Variants in TTN observed in about 807,000 individuals in gnomAD.
The protein encoded by TTN is titin.
A neutral mutation model predicts 3,223.0 loss-of-function variants in TTN; 1,525 were observed. The ratio of observed to expected loss-of-function variants is 0.47; its 90% CI spans 0.45 to 0.49. TTN has a LOEUF of 0.49. Ranked by LOEUF, TTN falls within the 20% of genes least tolerant of loss-of-function variation. The pLI, the probability that TTN is intolerant of heterozygous loss-of-function variation, is 0.00. For missense variants in TTN, 40,786 were observed against 43,424.0 expected (o/e 0.94, Z 5.40); for synonymous variants, 14,094 against 15,161.0 (o/e 0.93, Z 5.17).
chr2:178,635,417 G>A (rs772614873), intron 227 of TTN, 23 bp downstream of exon 227: 2 of 1,601,914 alleles, frequency 1.2e-6, no homozygotes, highest in Non-Finnish European at 8.5e-7. Flanking sequence ...CTTATAATTT[G>A]AATAAAAGGT....
In TTN at chr2:178,706,456, T is replaced by G; in HGVS notation, c.29418A>C (p.Lys9806Asn). ...KIEGDLRAMLKKTPILKKGAG... is the reference protein window; with the variant it reads ...KIEGDLRAMLNKTPILKKGAG... ...TTTGTGGTTTTTATTGAACTCACTT[T>G]TTCAGCATTGCTCTAAGATCGCCTT... Residue 9806 changes from lysine (K) to asparagine (N), a missense_variant and splice_region_variant, in exon 102 of 363, where the codon AAA becomes AAC. Lys to Asn is a moderately conservative substitution (Grantham distance 94, BLOSUM62 0). Transcript: ENST00000589042. The G allele has an allele frequency of 1.2e-6, 2 of 1,609,488 alleles. No individual in the cohort carries two copies. The highest frequency in any genetic ancestry group is 1.7e-6 in the Non-Finnish European group (2 of 1,177,210).
chr2:178,786,025 G>T lies in TTN; in HGVS notation c.2193C>A (p.Thr731=). The change falls in exon 14 of 363, where the codon ACC becomes ACA. Residue 731 remains threonine, a synonymous_variant. Coordinates refer to ENST00000589042, the MANE Select transcript of TTN (RefSeq NM_001267550.2). ...GHLEESYAQQ[T]TLEYGYKERI... is the part of the protein sequence containing the mutation. ...GTTCCTTATATCCGTACTCCAAAGTGGTCTGCTGAGCATAGGATTCTTCAA... is the reference window on the plus strand; with the variant it reads ...GTTCCTTATATCCGTACTCCAAAGTTGTCTGCTGAGCATAGGATTCTTCAA... The T allele has an allele frequency of 1.9e-6, 3 of 1,614,092 alleles. No individual in the cohort carries two copies. Among genetic ancestry groups the T allele is most frequent in the South Asian group, 2.2e-5 (2 of 91,082 alleles).
chr2:178,633,781 G>A (rs1174543963), intron 231 of TTN, 36 bp downstream of exon 231: 6 of 1,608,822 alleles, frequency 3.7e-6, no homozygotes, highest in Non-Finnish European at 5.1e-6. Context: ...CCATGATTCA[G>A]AAACTGGCTA....
intron 88 of TTN, among the ~76,000 whole-genome samples, chr2:178,716,256 T>C (rs1201008704): frequency 6.6e-6 from 1 of 152,138 alleles, no homozygotes; most frequent in Non-Finnish European, 1.5e-5. Context: ...AAAATGCCAT[T>C]TTCCTCTTTT....
rs2061092533 is a variant in TTN, at chr2:178,640,462, T to C, written c.40723+79A>G. 5 of 1,294,384 alleles carry C rather than the reference T, an allele frequency of 3.9e-6. No individual in the cohort carries two copies. In the Admixed American group the frequency reaches 7.6e-5, roughly 20 times the overall value. The allele number at this position is 1,294,384 out of a possible 1,614,324, so 80.2% of individuals were successfully genotyped here. ...CAGATTAAGGTCATGTGTTCAAATC[T>C]TGATGTCAGTGTAATGATATTTTAA... On this transcript the variant is annotated intron_variant, in intron 221 of 362. Transcript: ENST00000589042.
intron 47 of TTN, chr2:178,748,578 GA>G (rs756135120): frequency 6.2e-7 from 1 of 1,613,058 alleles, no homozygotes; most frequent in Non-Finnish European, 8.5e-7. Flanking sequence ...GTGTCAGCAG[GA>G]TGTTGGATTT....
chr2:178,667,594 CA>C (rs1228588705), intron 160 of TTN, 43 bp downstream of exon 160: 8 of 1,577,126 alleles, frequency 5.1e-6, no homozygotes, highest in Non-Finnish European at 6.9e-6. Context: ...TAAAAGGGGC[CA>C]AAAAATAATT....
intron 40 of TTN, among the ~76,000 whole-genome samples, chr2:178,767,391 A>G (rs1343616016): frequency 6.6e-6 from 1 of 152,176 alleles, no homozygotes; most frequent in Non-Finnish European, 1.5e-5. Flanking sequence ...ACAGATAGAA[A>G]CCTTCTGAGA....
At position 178,777,764 on chromosome 2, in the gene TTN, C is replaced by T; in HGVS notation, c.4420G>A (p.Ala1474Thr). Reference sequence around the variant, plus strand: ...CCAACAACCTTTAAGTCAAATCTGGCAGTTTGCCCTTCTAAACATTTGAAA... The same window carrying T: ...CCAACAACCTTTAAGTCAAATCTGGTAGTTTGCCCTTCTAAACATTTGAAA... Reference protein sequence around the residue: ...VSFKCLEGQTARFDLKVVGRP... With the variant: ...VSFKCLEGQTTRFDLKVVGRP... Residue 1474 changes from alanine to threonine, a missense_variant, in exon 25 of 363, where the codon GCC becomes ACC. Physicochemically the swap from Ala to Thr is moderately conservative, Grantham distance 58 (BLOSUM62 0). Coordinates refer to ENST00000589042, the MANE Select transcript of TTN (RefSeq NM_001267550.2). 6.2e-7 allele frequency: 1 copy of T among 1,614,042 alleles called. No individual in the cohort carries two copies. Among genetic ancestry groups the T allele is most frequent in the Non-Finnish European group, 8.5e-7 (1 of 1,179,962 alleles).
chr2:178,745,508 T>A (rs749128842), intron 47 of TTN: 2 of 1,579,174 alleles, frequency 1.3e-6, no homozygotes, highest in Admixed American at 3.5e-5. Flanking sequence ...GGAAGTTTAT[T>A]AGATCCACAT....
In TTN at chr2:178,731,534, T is replaced by C; in HGVS notation, c.17232A>G (p.Gly5744=). Residue 5744 remains glycine (G), a synonymous_variant, in exon 59 of 363, where the codon GGA becomes GGG. Transcript: ENST00000589042. ...KKIESTSSLR[G]GTAAFQATLK... Reference sequence around the variant, plus strand: ...GAGTGGCCTGGAAGGCAGCTGTGCCTCCCCGGAGGGAGCTGGTACTCTCGA... The same window carrying C: ...GAGTGGCCTGGAAGGCAGCTGTGCCCCCCCGGAGGGAGCTGGTACTCTCGA... 1.9e-6 allele frequency: 3 copies of C among 1,612,926 alleles called. No homozygotes were observed. Among genetic ancestry groups the C allele is most frequent in the Non-Finnish European group, 2.5e-6 (3 of 1,179,346 alleles).
chr2:178,536,265 C>A lies in TTN; in HGVS notation c.100482G>T (p.Gln33494His). Residue 33494 changes from glutamine (Q) to histidine (H), a missense_variant, in exon 357 of 363, where the codon CAG (glutamine) becomes CAT (histidine). By Grantham distance (24) the Gln-to-His change is conservative (BLOSUM62 0). Coordinates refer to ENST00000589042, the MANE Select transcript of TTN (RefSeq NM_001267550.2). ...PITPKSDVPI[Q>H]APHFKEELRN... ...TCAGTTCCTCTTTAAAGTGTGGTGCCTGAATTGGGACATCAGATTTGGGAG... is the reference window on the plus strand; with the variant it reads ...TCAGTTCCTCTTTAAAGTGTGGTGCATGAATTGGGACATCAGATTTGGGAG... 6.2e-7 allele frequency: 1 copy of A among 1,613,624 alleles called. No homozygotes were observed. The highest frequency in any genetic ancestry group is 8.5e-7 in the Non-Finnish European group (1 of 1,179,732).
In TTN at chr2:178,610,283, A is replaced by G. The variant is rs757740281; in HGVS notation, c.51243T>C (p.His17081=). Residue 17081 remains histidine, a synonymous_variant, in exon 271 of 363, where the codon CAT becomes CAC. Transcript: ENST00000589042. ...PEFDGGTPIL[H]YVLERREAGR... ...CAGCTTCTCTGCGCTCCAGGACATA[A>G]TGAAGAATTGGGGTTCCACCATCAA... The G allele has an allele frequency of 1.2e-6, 2 of 1,612,968 alleles. No homozygotes were observed. The highest frequency in any genetic ancestry group is 2.2e-5 in the South Asian group (2 of 91,050).
intron 17 of TTN, 88 bp from the exon 18 acceptor site, chr2:178,783,152 T>C (rs2092921856): frequency 8.0e-6 from 12 of 1,500,334 alleles, no homozygotes; most frequent in Non-Finnish European, 1.1e-5. Context: ...TTTGAACTTA[T>C]GCATTTCAAC....
intron 20 of TTN, among the ~76,000 whole-genome samples, chr2:178,781,494 G>T (rs1241741476): frequency 6.6e-6 from 1 of 152,112 alleles, no homozygotes; most frequent in Admixed American, 6.5e-5. Flanking sequence ...TTTATTGCTA[G>T]AATCAGTCAT....
Position 178,564,091 on chromosome 2 carries a change from A to G in TTN, c.82041T>C (p.Tyr27347=). ...KDCIRTDGGQ[Y]ILKLSNVGGT... is the part of the protein sequence containing the mutation. ...CACCAACATTGCTGAGTTTCAGAAT[A>G]TATTGTCCTCCATCAGTCCGTATAC... Residue 27347 remains tyrosine (Y), a synonymous_variant, in exon 326 of 363, where the codon TAT becomes TAC. Coordinates refer to ENST00000589042, the MANE Select transcript of TTN (RefSeq NM_001267550.2). 1 of 1,613,768 alleles carries G rather than the reference A, an allele frequency of 6.2e-7. No homozygotes were observed. The highest frequency in any genetic ancestry group is 8.5e-7 in the Non-Finnish European group (1 of 1,179,750).
chr2:178,553,614 T>C lies in TTN; in HGVS notation c.89391A>G (p.Val29797=). Reference sequence around the variant, plus strand: ...AATTGACTCCAGGTTTCAGGTTGGATACCACATATTCTGTAGTTCTGACCT... The same window carrying C: ...AATTGACTCCAGGTTTCAGGTTGGACACCACATATTCTGTAGTTCTGACCT... ...KGEVRTTEYV[V]SNLKPGVNYY... is the part of the protein sequence containing the mutation. Residue 29797 remains valine, a synonymous_variant, in exon 334 of 363, where the codon GTA becomes GTG. Coordinates refer to ENST00000589042, the MANE Select transcript of TTN (RefSeq NM_001267550.2). 1 of 1,613,914 alleles carries C rather than the reference T, an allele frequency of 6.2e-7. No homozygotes were observed. Among genetic ancestry groups the C allele is most frequent in the Non-Finnish European group, 8.5e-7 (1 of 1,179,820 alleles).
Position 178,607,840 on chromosome 2 carries a change from G to A in TTN, c.52947C>T (p.Ala17649=), listed in dbSNP as rs766991039. Residue 17649 remains alanine, a synonymous_variant, in exon 276 of 363, where the codon GCC becomes GCT. Transcript: ENST00000589042. ...TTTCTCCAGGCGGTCCTTCCCCTGC[G>A]GCATTGACAGCACTCACCCGAAGTT... is the stretch of plus-strand genomic sequence containing the variant. ...DYKLRVSAVN[A]AGEGPPGETQ... is the part of the protein sequence containing the mutation. The A allele has an allele frequency of 3.4e-5, 55 of 1,612,868 alleles. No homozygotes were observed. The East Asian group carries it at 4.0e-4, about 12-fold the overall frequency.
chr2:178,722,191 C>A, intron 77 of TTN, 57 bp from the exon 78 acceptor site: 2 of 1,527,890 alleles, frequency 1.3e-6, no homozygotes, highest in South Asian at 2.7e-5. Context: ...TGCCATTGGT[C>A]GTTTCTACTT....
Sources: gnomAD v4.1 joint callset for allele counts (sites outside exome capture counted in the v4.1 genomes callset) on GRCh38, gnomAD v4.1.1 for gene constraint, MANE v1.5 for transcripts, NCBI Gene and HGNC (gene_info 2026-07-23, HGNC 2026-07-21) for gene names.